The following PCDH15 variants were observed in gnomAD, a reference collection of about 807,000 sequenced individuals.
The protein encoded by PCDH15 is protocadherin related 15.
PCDH15 carries 129 observed loss-of-function variants against 178.5 expected under a neutral mutation model. The ratio of observed to expected loss-of-function variants is 0.72; its 90% CI spans 0.63 to 0.84. The LOEUF is 0.84. Ranked by LOEUF, PCDH15 falls within the 40% of genes least tolerant of loss-of-function variation. The probability of loss-of-function intolerance (pLI) is 0.00; values close to 1 mark genes in which losing one functional copy is unlikely to be tolerated. For missense variants in PCDH15, 2,230 were observed against 2,099.9 expected, an observed-to-expected ratio of 1.06 and a Z score of -1.21; for synonymous variants, 800 against 732.0, an observed-to-expected ratio of 1.09 and a Z score of -1.50.
In PCDH15 at chr10:55,503,501, T is replaced by C. The variant is rs1292689854; in HGVS notation, c.-156+124124A>G. On this transcript the variant is annotated intron_variant, in intron 2 of 5. Coordinates refer to the PCDH15 transcript ENST00000613346. ...TGATAATAAAATTTAATTAATTACA[T>C]TGAAGTCTTAGATTTTCATACAATC... Among the ~76,000 whole-genome samples, 13 of 150,868 alleles carry C rather than the reference T, an allele frequency of 8.6e-5. No individual in the cohort carries two copies. In the Admixed American group the frequency reaches 8.6e-4, roughly 10 times the overall value.
chr10:53,947,479 T>G (rs1341494400), intron 23 of PCDH15, among the ~76,000 whole-genome samples: 1 of 152,114 alleles, frequency 6.6e-6, no homozygotes, highest in Non-Finnish European at 1.5e-5. Context: ...TCAATATATT[T>G]GCAAATCAGT....
At chr10:54,439,874 G>GA (rs1367900179) in intron 3 of PCDH15, among the ~76,000 whole-genome samples, 2 of 151,968 alleles carry the variant, frequency 1.3e-5, no homozygotes, top group Admixed American at 1.3e-4. Flanking sequence ...TGTCTGTAGT[G>GA]ACTATTTGAA....
At chr10:54,890,680 C>T (rs967909033) in intron 3 of PCDH15, among the ~76,000 whole-genome samples, 2 of 152,010 alleles carry the variant, frequency 1.3e-5, no homozygotes, top group African/African-American at 4.8e-5. Flanking sequence ...GAGTATAACA[C>T]ATCACTTGGG....
intron 2 of PCDH15, among the ~76,000 whole-genome samples, chr10:54,596,759 C>T (rs2092261763): frequency 6.6e-6 from 1 of 151,922 alleles, no homozygotes; most frequent in African/African-American, 2.4e-5. Flanking sequence ...AAAAAATCTG[C>T]CATGCAAAGA....
At chr10:55,164,135 T>A (rs760003138) in intron 2 of PCDH15, among the ~76,000 whole-genome samples, 1 of 152,094 alleles carries the variant, frequency 6.6e-6, no homozygotes, top group Non-Finnish European at 1.5e-5. Flanking sequence ...AGACCCAAGT[T>A]TGAGTCTCAG....
chr10:54,748,603 C>A (rs1390043941), intron 1 of PCDH15, among the ~76,000 whole-genome samples: 1 of 152,044 alleles, frequency 6.6e-6, no homozygotes, highest in Non-Finnish European at 1.5e-5. Context: ...AAGCACCATC[C>A]CTTTACAGGA....
chr10:54,899,934 T>TTA (rs1954614150), intron 2 of PCDH15, among the ~76,000 whole-genome samples: 1 of 150,768 alleles, frequency 6.6e-6, no homozygotes, highest in Admixed American at 6.6e-5. Context: ...TAAAGTGCTT[T>TTA]AAAAAAAAAG....
chr10:54,987,637 A>T (rs1477234736), intron 2 of PCDH15, among the ~76,000 whole-genome samples: 2 of 148,224 alleles, frequency 1.3e-5, no homozygotes, highest in Non-Finnish European at 3.0e-5. Context: ...TTTTTTTCAT[A>T]TGTTTTTTGG....
At chr10:55,224,249 T>C in intron 1 of PCDH15, among the ~76,000 whole-genome samples, 1 of 152,032 alleles carries the variant, frequency 6.6e-6, no homozygotes, top group East Asian at 1.9e-4. Context: ...GGTAAATGAA[T>C]ATGGTCAGAA....
At chr10:53,903,430 C>T in intron 25 of PCDH15, 60 bp from the exon 26 acceptor site, 1 of 1,592,422 alleles carries the variant, frequency 6.3e-7, no homozygotes, top group Non-Finnish European at 8.6e-7. Flanking sequence ...AAAAAATGCA[C>T]TGAAGTAAAT....
chr10:54,418,649 A>G (rs910116195), intron 3 of PCDH15, among the ~76,000 whole-genome samples: 1 of 151,902 alleles, frequency 6.6e-6, no homozygotes, highest in African/African-American at 2.4e-5. Flanking sequence ...ATATTAGTCA[A>G]AAAATCTAAC....
At chr10:54,560,461 CATTAA>C (rs1397575641) in intron 2 of PCDH15, among the ~76,000 whole-genome samples, 1 of 151,952 alleles carries the variant, frequency 6.6e-6, no homozygotes, top group African/African-American at 2.4e-5. Flanking sequence ...TTTTGTCACT[CATTAA>C]AAGAATGCTA....
At chr10:54,507,290 C>A (rs1441112596) in intron 3 of PCDH15, among the ~76,000 whole-genome samples, 1 of 151,224 alleles carries the variant, frequency 6.6e-6, no homozygotes, top group Non-Finnish European at 1.5e-5. Context: ...TACTTTTATT[C>A]CTGCATAGAG....
intron 23 of PCDH15, among the ~76,000 whole-genome samples, chr10:53,957,821 G>T (rs767321687): frequency 6.6e-6 from 1 of 151,936 alleles, no homozygotes; most frequent in Non-Finnish European, 1.5e-5. Context: ...ACAGGTTACT[G>T]TGTCAGAAAA....
At chr10:54,094,386 TA>T (rs1297387237) in intron 15 of PCDH15, among the ~76,000 whole-genome samples, 6 of 152,118 alleles carry the variant, frequency 3.9e-5, no homozygotes, top group South Asian at 4.1e-4. Context: ...TTTACACTTA[TA>T]GAAGTGATCA....
intron 1 of PCDH15, among the ~76,000 whole-genome samples, chr10:54,747,692 G>A (rs1945643377): frequency 6.6e-6 from 1 of 151,996 alleles, no homozygotes; most frequent in South Asian, 2.1e-4. Context: ...ACTTTCAAAT[G>A]CAACCACTAA....
chr10:54,391,590 A>G (rs1383870399), intron 3 of PCDH15, among the ~76,000 whole-genome samples: 1 of 151,992 alleles, frequency 6.6e-6, no homozygotes, highest in Non-Finnish European at 1.5e-5. Context: ...TCATCAGGAA[A>G]AAAAAAAAAC....
chr10:53,914,938 C>T (rs552936899), intron 25 of PCDH15, among the ~76,000 whole-genome samples: 20 of 152,138 alleles, frequency 1.3e-4, no homozygotes, highest in African/African-American at 4.6e-4. Context: ...TATTAATTGT[C>T]TTTATGTTCC....
chr10:54,349,615 A>G (rs1943857198), intron 5 of PCDH15, among the ~76,000 whole-genome samples: 1 of 152,182 alleles, frequency 6.6e-6, no homozygotes, highest in South Asian at 2.1e-4. Context: ...TCCATGCAGA[A>G]ATCACATTTG....
Sources: gnomAD v4.1 joint callset for allele counts (sites outside exome capture counted in the v4.1 genomes callset) on GRCh38, gnomAD v4.1.1 for gene constraint, MANE v1.5 for transcripts, NCBI Gene and HGNC (gene_info 2026-07-23, HGNC 2026-07-21) for gene names.